GALNT13: variants seen among roughly 807,000 people sequenced by gnomAD.
The protein encoded by GALNT13 is polypeptide N-acetylgalactosaminyltransferase 13, also known as UDP-GalNAc:polypeptide N-acetylgalactosaminyltransferase 13.
GALNT13 carries 28 observed loss-of-function variants against 64.2 expected under a neutral mutation model. The observed-to-expected ratio is 0.44, with a 90% CI of 0.32 to 0.60. The LOEUF (loss-of-function observed/expected upper bound fraction) is 0.60, where lower values mean the gene tolerates loss of function less well. GALNT13 is among the 20% of genes least tolerant of loss of function. GALNT13 has a pLI of 0.05. For missense variants in GALNT13, 577 were observed against 669.8 expected (o/e 0.86, Z 1.53); for synonymous variants, 214 against 224.6 (o/e 0.95, Z 0.42).
intron 9 of GALNT13, among the ~76,000 whole-genome samples, chr2:154,322,449 G>C (rs948521677): frequency 6.6e-6 from 1 of 151,988 alleles, no homozygotes; most frequent in Admixed American, 6.6e-5. Context: ...GCCAAAAGTA[G>C]AAAAGACAAG....
the GALNT13 span, among the ~76,000 whole-genome samples, chr2:153,739,588 A>AC: frequency 1.2e-4 from 13 of 104,472 alleles, no homozygotes; most frequent in Admixed American, 1.1e-3. Flanking sequence ...TCATTATTTT[A>AC]TTTATTTATT....
At chr2:153,899,936 T>TA (rs1491469218) in intron 1 of GALNT13, among the ~76,000 whole-genome samples, 1,401 of 43,176 alleles carry the variant, frequency 0.032, 3 homozygotes, top group Admixed American at 0.059. Flanking sequence ...TATATATATA[T>TA]TTTTTTTTTT....
chr2:153,615,315 A>G, the GALNT13 span, among the ~76,000 whole-genome samples: 1 of 152,070 alleles, frequency 6.6e-6, no homozygotes, highest in Non-Finnish European at 1.5e-5. Context: ...CAGCTATTGT[A>G]AACAATGCTG....
the GALNT13 span, among the ~76,000 whole-genome samples, chr2:153,758,303 T>G: frequency 6.8e-5 from 4 of 58,816 alleles, no homozygotes; most frequent in Non-Finnish European, 1.2e-4. Flanking sequence ...ATAAATGGGG[T>G]TTTTTTTTTT....
At chr2:153,232,207 A>G in the GALNT13 span, among the ~76,000 whole-genome samples, 1 of 152,250 alleles carries the variant, frequency 6.6e-6, no homozygotes, top group Non-Finnish European at 1.5e-5. Flanking sequence ...GACTTAGAAA[A>G]TGATATCCAT....
chr2:153,219,787 G>T, the GALNT13 span, among the ~76,000 whole-genome samples: 1 of 152,228 alleles, frequency 6.6e-6, no homozygotes, highest in Non-Finnish European at 1.5e-5. Context: ...AGACATATCA[G>T]TGTGGGAAAT....
the GALNT13 span, among the ~76,000 whole-genome samples, chr2:153,672,457 G>T: frequency 6.6e-6 from 1 of 152,128 alleles, no homozygotes; most frequent in African/African-American, 2.4e-5. Context: ...TGACTACTGG[G>T]TAAATAAAGA....
At chr2:153,670,207 G>A in the GALNT13 span, among the ~76,000 whole-genome samples, 18 of 152,288 alleles carry the variant, frequency 1.2e-4, no homozygotes, top group East Asian at 5.8e-4. Context: ...CCAGCATGGC[G>A]TTCGAGCTCC....
At chr2:153,624,801 T>C in the GALNT13 span, among the ~76,000 whole-genome samples, 1 of 150,876 alleles carries the variant, frequency 6.6e-6, no homozygotes, top group East Asian at 1.9e-4. Context: ...ACTTTTTTTT[T>C]TTTTTTTTTT....
chr2:154,311,854 A>G (rs1694060040), intron 9 of GALNT13, among the ~76,000 whole-genome samples: 1 of 152,182 alleles, frequency 6.6e-6, no homozygotes, highest in Non-Finnish European at 1.5e-5. Context: ...TATTTCTCCC[A>G]TTTGATTTTG....
the GALNT13 span, among the ~76,000 whole-genome samples, chr2:153,161,504 A>G: frequency 0.03 from 4,567 of 152,192 alleles, 232 homozygotes; most frequent in African/African-American, 0.1. Context: ...GGGGATCAGG[A>G]GGGATGAGGG....
At chr2:153,656,389 T>C in the GALNT13 span, among the ~76,000 whole-genome samples, 1 of 151,800 alleles carries the variant, frequency 6.6e-6, no homozygotes, top group African/African-American at 2.4e-5. Context: ...CTAAATTATG[T>C]AGAAAGTATT....
At chr2:153,439,199 A>C in the GALNT13 span, among the ~76,000 whole-genome samples, 2 of 152,154 alleles carry the variant, frequency 1.3e-5, no homozygotes, top group African/African-American at 2.4e-5. Context: ...TCAGAAGAAT[A>C]CCTGGTGGTG....
intron 4 of GALNT13, among the ~76,000 whole-genome samples, chr2:154,195,077 C>T (rs1359022656): frequency 6.6e-6 from 1 of 151,970 alleles, no homozygotes; most frequent in Non-Finnish European, 1.5e-5. Flanking sequence ...CTCCCTCTGT[C>T]CATGTGTTCT....
the GALNT13 span, among the ~76,000 whole-genome samples, chr2:153,132,967 C>T: frequency 1.3e-5 from 2 of 151,996 alleles, no homozygotes; most frequent in Non-Finnish European, 2.9e-5. Flanking sequence ...AAGGGATCTA[C>T]CTGCCGTGGC....
chr2:153,110,876 A>C, the GALNT13 span, among the ~76,000 whole-genome samples: 2 of 152,150 alleles, frequency 1.3e-5, no homozygotes, highest in Non-Finnish European at 2.9e-5. Context: ...TTTAGAAAAA[A>C]TCATTTTTCA....
chr2:154,218,152 C>G (rs1441382737), intron 4 of GALNT13, among the ~76,000 whole-genome samples: 3 of 152,064 alleles, frequency 2.0e-5, no homozygotes, highest in Non-Finnish European at 4.4e-5. Context: ...GTTAAGTGAA[C>G]CCAGAGAATG....
intron 3 of GALNT13, among the ~76,000 whole-genome samples, chr2:153,990,599 T>A (rs1695096869): frequency 6.6e-6 from 1 of 152,190 alleles, no homozygotes; most frequent in Non-Finnish European, 1.5e-5. Flanking sequence ...TTTGAGAATG[T>A]GTTTCAGAGT....
the GALNT13 span, among the ~76,000 whole-genome samples, chr2:153,344,023 A>G: frequency 6.6e-6 from 1 of 152,320 alleles, no homozygotes; most frequent in East Asian, 1.9e-4. Context: ...TTCCTGAGGC[A>G]CAGTATTCCA....
Sources: allele counts gnomAD v4.1 joint callset (sites outside exome capture counted in the v4.1 genomes callset), GRCh38; gene constraint gnomAD v4.1.1; transcripts MANE v1.5; gene names NCBI Gene and HGNC (gene_info 2026-07-23, HGNC 2026-07-21).